The following EXOC4 variants were observed in gnomAD, a reference collection of about 807,000 sequenced individuals.
The protein encoded by EXOC4 is exocyst complex component 4, also known as SEC8-like 1.
A neutral mutation model predicts 107.2 loss-of-function variants in EXOC4; 71 were observed. That is an observed-to-expected ratio of 0.66 (90% CI 0.55 to 0.81). The LOEUF is 0.81. EXOC4 is among the 30% of genes least tolerant of loss of function. EXOC4 has a pLI of 0.00. For missense variants in EXOC4, 1,108 were observed against 1,189.6 expected (o/e 0.93, Z 1.01); for synonymous variants, 456 against 441.2 (o/e 1.03, Z -0.42).
chr7:133,585,679 T>C (rs978160299), intron 9 of EXOC4, among the ~76,000 whole-genome samples: 2 of 152,034 alleles, frequency 1.3e-5, no homozygotes, highest in African/African-American at 4.8e-5. Flanking sequence ...GAAGAGGAGA[T>C]AAATGATAAG....
At chr7:133,259,428 T>A (rs557592575) in intron 1 of EXOC4, among the ~76,000 whole-genome samples, 1 of 152,154 alleles carries the variant, frequency 6.6e-6, no homozygotes, top group South Asian at 2.1e-4. Flanking sequence ...GGTTTCACCA[T>A]GTTGGCCAGG....
chr7:133,508,530 C>A (rs1408925808), intron 9 of EXOC4, among the ~76,000 whole-genome samples: 4 of 152,126 alleles, frequency 2.6e-5, no homozygotes, highest in Non-Finnish European at 5.9e-5. Context: ...TATCTTATTT[C>A]CCCTGGAGAA....
intron 9 of EXOC4, among the ~76,000 whole-genome samples, chr7:133,558,189 C>CTTT (rs1800731670): frequency 8.7e-6 from 1 of 114,362 alleles, no homozygotes; most frequent in African/African-American, 3.3e-5. Flanking sequence ...TTGGTTCCTT[C>CTTT]TCTTTTCTTT....
At chr7:134,013,084 C>G (rs777214379) in intron 17 of EXOC4, among the ~76,000 whole-genome samples, 6 of 152,152 alleles carry the variant, frequency 3.9e-5, no homozygotes, top group Non-Finnish European at 7.4e-5. Context: ...GAATAAGTTC[C>G]TCACTCCTCA....
At chr7:133,781,579 C>T (rs1258779176) in intron 10 of EXOC4, among the ~76,000 whole-genome samples, 1 of 152,210 alleles carries the variant, frequency 6.6e-6, no homozygotes, top group Non-Finnish European at 1.5e-5. Flanking sequence ...CTTAGTAATT[C>T]TGTCAGTGTC....
intron 9 of EXOC4, among the ~76,000 whole-genome samples, chr7:133,511,466 A>T (rs1799767636): frequency 6.6e-6 from 1 of 152,118 alleles, no homozygotes; most frequent in South Asian, 2.1e-4. Flanking sequence ...GGTGATAAGG[A>T]TTGTTCTTCA....
intron 10 of EXOC4, among the ~76,000 whole-genome samples, chr7:133,662,603 T>C (rs909566096): frequency 7.3e-5 from 11 of 150,310 alleles, no homozygotes; most frequent in African/African-American, 2.5e-4. Context: ...GAGTAACAGT[T>C]CTGAATGTTT....
intron 6 of EXOC4, among the ~76,000 whole-genome samples, chr7:133,371,816 T>C (rs1226713479): frequency 6.6e-6 from 1 of 152,218 alleles, no homozygotes. Context: ...CCAAACTGTT[T>C]TCCAAAGCGG....
intron 17 of EXOC4, among the ~76,000 whole-genome samples, chr7:134,037,584 A>T (rs1795420145): frequency 6.6e-6 from 1 of 152,110 alleles, no homozygotes; most frequent in Non-Finnish European, 1.5e-5. Flanking sequence ...ATGAGACCGG[A>T]GCAATGTTCC....
chr7:133,576,482 G>T, intron 9 of EXOC4: 1 of 1,280,852 alleles, frequency 7.8e-7, no homozygotes, highest in Non-Finnish European at 1.0e-6. Flanking sequence ...GCATCTGTCG[G>T]TTGCATTTGA....
downstream of EXOC4, among the ~76,000 whole-genome samples, chr7:134,067,923 C>T (rs1796208893): frequency 6.6e-6 from 1 of 152,066 alleles, no homozygotes; most frequent in Non-Finnish European, 1.5e-5. Flanking sequence ...ATCTTACTGC[C>T]CAACTAGAAC....
chr7:133,744,901 A>G (rs1795642161), intron 10 of EXOC4, among the ~76,000 whole-genome samples: 1 of 152,176 alleles, frequency 6.6e-6, no homozygotes, highest in African/African-American at 2.4e-5. Flanking sequence ...TTTGCTCATG[A>G]TCCCAAGCGT....
intron 9 of EXOC4, among the ~76,000 whole-genome samples, chr7:133,588,074 C>T (rs1459011346): frequency 6.6e-6 from 1 of 152,128 alleles, no homozygotes; most frequent in Admixed American, 6.5e-5. Flanking sequence ...TCTTTGTATT[C>T]TTGCCCTATA....
chr7:133,733,003 AC>A (rs1282362841), intron 10 of EXOC4: 1 of 165,984 alleles, frequency 6.0e-6, no homozygotes, highest in African/African-American at 2.4e-5. Flanking sequence ...GGCAGTTTTT[AC>A]CTTGTTCGTC....
chr7:134,073,095 A>G, the EXOC4 span, among the ~76,000 whole-genome samples: 1 of 148,978 alleles, frequency 6.7e-6, no homozygotes, highest in Non-Finnish European at 1.5e-5. Context: ...AATCCCAGCT[A>G]CTCAGGAGGC....
chr7:133,286,079 T>G (rs1016784723), intron 2 of EXOC4, among the ~76,000 whole-genome samples: 2 of 152,170 alleles, frequency 1.3e-5, no homozygotes, highest in Non-Finnish European at 2.9e-5. Context: ...AAAAATTATT[T>G]AATTATTTTT....
chr7:133,449,220 A>C (rs6467490), intron 7 of EXOC4, among the ~76,000 whole-genome samples: 117,735 of 152,112 alleles, frequency 0.77, 46,208 homozygotes, highest in East Asian at 0.95. Flanking sequence ...CATGCCGTAG[A>C]ACGCCAAGGA....
intron 7 of EXOC4, among the ~76,000 whole-genome samples, chr7:133,400,711 A>C (rs1797070507): frequency 1.3e-5 from 2 of 152,122 alleles, no homozygotes; most frequent in Non-Finnish European, 2.9e-5. Context: ...CAACTATGTA[A>C]GGTTTGTTTT....
At chr7:133,370,037 C>T (rs906860741) in intron 6 of EXOC4, among the ~76,000 whole-genome samples, 4 of 152,084 alleles carry the variant, frequency 2.6e-5, no homozygotes, top group Admixed American at 2.6e-4. Context: ...AGGTGATCCG[C>T]CACCTCGGCC....
Sources: gnomAD v4.1 joint callset for allele counts (sites outside exome capture counted in the v4.1 genomes callset) on GRCh38, gnomAD v4.1.1 for gene constraint, MANE v1.5 for transcripts, NCBI Gene and HGNC (gene_info 2026-07-23, HGNC 2026-07-21) for gene names.